SMARCA1: variants seen among roughly 807,000 people sequenced by gnomAD.
The protein encoded by SMARCA1 is SWI/SNF-related matrix-associated actin-dependent regulator of chromatin subfamily A member 1.
SMARCA1 carries 17 observed loss-of-function variants against 93.6 expected under a neutral mutation model. That is an observed-to-expected ratio of 0.18 (90% confidence interval 0.12 to 0.27). SMARCA1 has a LOEUF of 0.27. SMARCA1 is among the 10% of genes least tolerant of loss of function. SMARCA1 has a pLI of 1.00. For synonymous variants in SMARCA1, 271 were observed against 271.4 expected (o/e 1.00, Z 0.01); for missense variants, 630 against 819.0 (o/e 0.77, Z 2.82).
chrX:129,499,045 C>CT (rs35021103), intron 10 of SMARCA1, among the ~76,000 whole-genome samples: 7,857 of 105,343 alleles, frequency 0.075, 409 homozygotes, highest in African/African-American at 0.18. Context: ...AGCAAGAATG[C>CT]TTTTTTTTTT....
rs1020759453 is a variant in SMARCA1, at chrX:129,460,602, GA to G, written c.3030+4917del. On this transcript the variant is annotated intron_variant, in intron 23 of 24. Coordinates refer to ENST00000371121, the MANE Select transcript of SMARCA1 (RefSeq NM_001282874.2). ...GGAGGCGGAGGTTGCAGTGAGCCAAGAAAAAAAAAATTAGCTGTTATCACAC... is the reference window on the plus strand; with the variant it reads ...GGAGGCGGAGGTTGCAGTGAGCCAAGAAAAAAAAATTAGCTGTTATCACAC... Among the ~76,000 whole-genome samples, 13 of 107,663 alleles carry G rather than the reference GA, an allele frequency of 1.2e-4. No individual in the cohort carries two copies. The East Asian group carries it at 2.0e-3, about 17-fold the overall frequency. 93.5% of individuals were successfully genotyped at this position (107,663 alleles called of 115,157 possible).
intron 19 of SMARCA1, among the ~76,000 whole-genome samples, chrX:129,479,852 C>T (rs1933569597): frequency 9.1e-6 from 1 of 110,369 alleles, no homozygotes; most frequent in Non-Finnish European, 1.9e-5. Flanking sequence ...CGCTTGCCAC[C>T]GCACCCAGCT....
At chrX:129,471,089 G>A (rs1933098683) in intron 20 of SMARCA1, 115 bp downstream of exon 20, 1 of 510,026 alleles carries the variant, frequency 2.0e-6, no homozygotes, top group South Asian at 5.2e-5. Context: ...ATAGCCCTGA[G>A]TTTTGTTGGT....
Position 129,504,832 on chromosome X carries a change from T to C in SMARCA1, c.1099-30A>G, listed in dbSNP as rs1301113416. 8 of 975,010 alleles carry C rather than the reference T, an allele frequency of 8.2e-6. No homozygotes were observed. The South Asian group carries it at 1.6e-4, about 20-fold the overall frequency. 80.4% of individuals were successfully genotyped at this position (975,010 alleles called of 1,213,427 possible). ...AGAGGGGTGGAAATTCTCCAATGAGTGCACAGTTTTTTTAAATATACCCGA... is the reference window on the plus strand; with the variant it reads ...AGAGGGGTGGAAATTCTCCAATGAGCGCACAGTTTTTTTAAATATACCCGA... On this transcript the variant is annotated intron_variant, in intron 8 of 24. Transcript: ENST00000371121.
At chrX:129,492,177 C>A in intron 13 of SMARCA1, 84 bp from the exon 14 acceptor site, 1 of 529,852 alleles carries the variant, frequency 1.9e-6, no homozygotes, top group Non-Finnish European at 3.2e-6. Context: ...CAAATAAAAA[C>A]ATTTAAAATA....
chrX:129,468,764 T>C lies in SMARCA1; in HGVS notation c.2698+9A>G. The C allele has an allele frequency of 2.6e-6, 3 of 1,146,311 alleles. No individual in the cohort carries two copies. The highest frequency in any genetic ancestry group is 3.5e-6 in the Non-Finnish European group (3 of 854,791). The allele number at this position is 1,146,311 out of a possible 1,213,427, so 94.5% of individuals were successfully genotyped here. ...AAATACAACACCATGTTTCAAATTA[T>C]ATACAAACCTGAATACTCCATGACC... On this transcript the variant is annotated intron_variant, in intron 21 of 24. Transcript: ENST00000371121.
intron 17 of SMARCA1, among the ~76,000 whole-genome samples, chrX:129,483,030 T>C (rs1163536730): frequency 8.9e-6 from 1 of 112,256 alleles, no homozygotes; most frequent in Non-Finnish European, 1.9e-5. Context: ...GACATTCGCA[T>C]ATGAAAGTCT....
chrX:129,484,686 A>G (rs781594343), intron 17 of SMARCA1, among the ~76,000 whole-genome samples: 1 of 112,447 alleles, frequency 8.9e-6, no homozygotes, highest in African/African-American at 3.2e-5. Flanking sequence ...ATACTGATAT[A>G]AATAAATAAC....
chrX:129,502,791 G>A (rs984775997), intron 9 of SMARCA1, among the ~76,000 whole-genome samples: 9 of 111,614 alleles, frequency 8.1e-5, no homozygotes, highest in Non-Finnish European at 1.7e-4. Flanking sequence ...TTTACACTTA[G>A]GGAAAAGACC....
chrX:129,515,180 C>A (rs1282160180), intron 5 of SMARCA1, among the ~76,000 whole-genome samples: 1 of 111,318 alleles, frequency 9.0e-6, no homozygotes, highest in East Asian at 2.8e-4. Context: ...GAGGAAAGCT[C>A]AGTAAGAGTT....
Position 129,465,941 on chromosome X carries a change from T to C in SMARCA1, c.2720A>G (p.Asn907Ser), listed in dbSNP as rs756398461. The C allele has an allele frequency of 8.9e-7, 1 of 1,122,788 alleles. No homozygotes were observed. Among genetic ancestry groups the C allele is most frequent in the South Asian group, 2.1e-5 (1 of 47,639 alleles). 92.5% of individuals were successfully genotyped at this position (1,122,788 alleles called of 1,213,427 possible). Residue 907 changes from asparagine (N) to serine (S), a missense_variant, in exon 22 of 25, where the codon AAT becomes AGT. Physicochemically the swap from Asn to Ser is conservative, Grantham distance 46. Transcript: ENST00000371121. ...EYSAVFWERC[N>S]ELQDIEKIMA... ...AATTTTCTCAATGTCCTGTAATTCATTGCAACGTTCCCAAAATACAGCTGA... is the reference window on the plus strand; with the variant it reads ...AATTTTCTCAATGTCCTGTAATTCACTGCAACGTTCCCAAAATACAGCTGA...
chrX:129,446,892 C>A lies in SMARCA1; in HGVS notation c.*270G>T, dbSNP rs1353590888. The A allele has an allele frequency of 4.2e-6, 1 of 240,277 alleles. No individual in the cohort carries two copies. The highest frequency in any genetic ancestry group is 2.9e-5 in the African/African-American group (1 of 34,476). The allele number at this position is 240,277 out of a possible 1,213,427, so 19.8% of individuals were successfully genotyped here. ...ATAAAACATAGAAAAGCTAAAACCT[C>A]AGCACAAGCTTCAAAAGAACAAGGA... On this transcript the variant is annotated 3_prime_UTR_variant, in exon 25 of 25. Coordinates refer to ENST00000371121, the MANE Select transcript of SMARCA1 (RefSeq NM_001282874.2).
intron 16 of SMARCA1, among the ~76,000 whole-genome samples, chrX:129,487,603 A>T (rs1209545373): frequency 2.7e-5 from 3 of 112,549 alleles, no homozygotes; most frequent in East Asian, 5.5e-4. Flanking sequence ...ATAGTAAAAT[A>T]CACCATGGAG....
chrX:129,506,926 C>A (rs1248618334), intron 7 of SMARCA1, among the ~76,000 whole-genome samples: 1 of 110,326 alleles, frequency 9.1e-6, no homozygotes, highest in Non-Finnish European at 1.9e-5. Flanking sequence ...AATTTTTAAG[C>A]CCCAGAATTG....
intron 12 of SMARCA1, among the ~76,000 whole-genome samples, chrX:129,494,678 G>A (rs888106142): frequency 1.8e-5 from 2 of 111,351 alleles, no homozygotes; most frequent in African/African-American, 3.3e-5. Flanking sequence ...CCTGCAGTAC[G>A]TACTGCAATA....
intron 12 of SMARCA1, among the ~76,000 whole-genome samples, chrX:129,495,088 T>A (rs1934270323): frequency 8.9e-6 from 1 of 112,151 alleles, no homozygotes; most frequent in Admixed American, 9.4e-5. Context: ...CAAATTGGCA[T>A]GTCTACATGG....
chrX:129,480,449 AAAT>A (rs1367822507), intron 19 of SMARCA1, among the ~76,000 whole-genome samples: 2 of 112,398 alleles, frequency 1.8e-5, no homozygotes, highest in African/African-American at 6.5e-5. Context: ...GGCATTATAA[AAAT>A]AATGTTATTA....
chrX:129,452,276 T>C (rs1024309602), intron 23 of SMARCA1, among the ~76,000 whole-genome samples: 2 of 112,132 alleles, frequency 1.8e-5, no homozygotes, highest in Non-Finnish European at 3.8e-5. Flanking sequence ...GAATTGTTCA[T>C]AGGACCTCAA....
intron 20 of SMARCA1, 64 bp downstream of exon 20, chrX:129,471,140 G>C (rs1407740053): frequency 2.1e-6 from 2 of 934,549 alleles, no homozygotes; most frequent in Non-Finnish European, 2.9e-6. Flanking sequence ...TAAAAAGTGT[G>C]ATCTATATTT....
Sources: allele counts gnomAD v4.1 joint callset (sites outside exome capture counted in the v4.1 genomes callset), GRCh38; gene constraint gnomAD v4.1.1; transcripts MANE v1.5; gene names NCBI Gene and HGNC (gene_info 2026-07-23, HGNC 2026-07-21).